Variants in ZEB1 observed in about 807,000 individuals in gnomAD.
The protein encoded by ZEB1 is zinc finger E-box binding homeobox 1.
In ZEB1, 21 loss-of-function variants were observed where a neutral mutation model predicts 84.9. The observed-to-expected ratio is 0.25, with a 90% CI of 0.18 to 0.36. The LOEUF is 0.36. ZEB1 is among the 10% of genes least tolerant of loss of function. The probability of loss-of-function intolerance (pLI) is 1.00; values close to 1 mark genes in which losing one functional copy is unlikely to be tolerated. For missense variants in ZEB1, 1,104 were observed against 1,330.2 expected, an observed-to-expected ratio of 0.83 and a Z score of 2.65; for synonymous variants, 420 against 471.1, an observed-to-expected ratio of 0.89 and a Z score of 1.41.
At chr10:31,363,566 C>G (rs1183720466) in intron 1 of ZEB1, 2 of 1,527,514 alleles carry the variant, frequency 1.3e-6, no homozygotes, top group African/African-American at 2.7e-5. Context: ...TGGTCTTTCA[C>G]CTCTGTTGCT....
chr10:31,394,997 C>A (rs900571197), intron 1 of ZEB1, among the ~76,000 whole-genome samples: 15 of 152,126 alleles, frequency 9.9e-5, no homozygotes, highest in Non-Finnish European at 1.6e-4. Context: ...GGGTTAATGG[C>A]AGTGCCCTTC....
intron 1 of ZEB1, among the ~76,000 whole-genome samples, chr10:31,446,799 C>A (rs944461698): frequency 6.6e-6 from 1 of 150,670 alleles, no homozygotes; most frequent in African/African-American, 2.4e-5. Flanking sequence ...AATTTCTGTT[C>A]TTTTACATTT....
intron 1 of ZEB1, among the ~76,000 whole-genome samples, chr10:31,437,105 A>G (rs1285937529): frequency 6.6e-6 from 1 of 152,188 alleles, no homozygotes; most frequent in African/African-American, 2.4e-5. Context: ...TAACAAAGAA[A>G]CAAAATACTC....
chr10:31,468,111 C>T (rs2062672991), intron 2 of ZEB1, among the ~76,000 whole-genome samples: 1 of 152,154 alleles, frequency 6.6e-6, no homozygotes, highest in Admixed American at 6.5e-5. Context: ...GTTGTTCCAG[C>T]TGCCTGAGAA....
In ZEB1 at chr10:31,326,984, G is replaced by A. The variant is rs950600045; in HGVS notation, c.58+7692G>A. On this transcript the variant is annotated intron_variant, in intron 1 of 8. Coordinates refer to ENST00000424869, the MANE Select transcript of ZEB1 (RefSeq NM_001174096.2). ...CAATCTAATATGTTTTTTATATGCT[G>A]TTGGTTTTGTAGCTAGCCTTGTAAA... is the stretch of plus-strand genomic sequence containing the variant. Among the ~76,000 whole-genome samples, 4 of 151,464 alleles carry A rather than the reference G, an allele frequency of 2.6e-5. No homozygotes were observed. The East Asian group carries it at 7.8e-4, about 29-fold the overall frequency.
chr10:31,479,722 T>C (rs1455461322), intron 2 of ZEB1, among the ~76,000 whole-genome samples: 1 of 151,968 alleles, frequency 6.6e-6, no homozygotes, highest in Non-Finnish European at 1.5e-5. Context: ...ATGTAGTAAG[T>C]ACCTTTAAAA....
intron 1 of ZEB1, among the ~76,000 whole-genome samples, chr10:31,355,673 G>GT (rs1384496965): frequency 1.3e-5 from 2 of 152,126 alleles, no homozygotes; most frequent in African/African-American, 4.8e-5. Flanking sequence ...TAGGAGAAGG[G>GT]TTAGGATGGA....
intron 1 of ZEB1, among the ~76,000 whole-genome samples, chr10:31,333,510 G>T (rs1337089175): frequency 6.6e-6 from 1 of 152,006 alleles, no homozygotes; most frequent in Non-Finnish European, 1.5e-5. Context: ...GGTAGGCTTG[G>T]TAAGTTTTAA....
intron 5 of ZEB1, among the ~76,000 whole-genome samples, chr10:31,514,162 G>A (rs2070638559): frequency 6.6e-6 from 1 of 152,054 alleles, no homozygotes; most frequent in Admixed American, 6.6e-5. Flanking sequence ...CTTCTATTCA[G>A]GACCTTGTTC....
At chr10:31,459,361 A>G (rs986863582) in intron 1 of ZEB1, among the ~76,000 whole-genome samples, 6 of 152,098 alleles carry the variant, frequency 3.9e-5, no homozygotes, top group African/African-American at 1.4e-4. Flanking sequence ...AGATAAGGTG[A>G]GGTTTGTGTT....
chr10:31,373,192 ATT>A, intron 1 of ZEB1: 1 of 980,774 alleles, frequency 1.0e-6, no homozygotes. Context: ...TTTCATTTAA[ATT>A]GTGTGTGTGT....
intron 1 of ZEB1, chr10:31,362,899 A>C (rs1314834515): frequency 7.1e-7 from 1 of 1,409,750 alleles, no homozygotes; most frequent in East Asian, 2.5e-5. Context: ...TAACACTCTC[A>C]TGTTCTTACG....
rs533368476 is a variant in ZEB1 at position 31,398,521 on chromosome 10, TCCC to T, written c.59-62513_59-62511del. ...AACATACAAATAATGTTGAGTTTTT[TCCC>T]CCATCTTAAAAAAAATCTTACTCCC... On this transcript the variant is annotated intron_variant, in intron 1 of 8. Coordinates refer to ENST00000424869, the MANE Select transcript of ZEB1 (RefSeq NM_001174096.2). Among the ~76,000 whole-genome samples, 311 of 152,164 alleles carry T rather than the reference TCCC, an allele frequency of 2.0e-3. 2 individuals carry two copies. Among genetic ancestry groups the T allele is most frequent in the African/African-American group, 5.6e-3 (234 of 41,516 alleles).
intron 1 of ZEB1, among the ~76,000 whole-genome samples, chr10:31,430,955 T>C (rs2057639708): frequency 6.6e-6 from 1 of 152,194 alleles, no homozygotes; most frequent in South Asian, 2.1e-4. Context: ...GTATACAGTC[T>C]TTTTGCATGG....
Position 31,521,625 on chromosome 10 carries a change from C to T in ZEB1, c.2293C>T (p.Gln765Ter). The T allele has an allele frequency of 6.2e-7, 1 of 1,614,020 alleles. No homozygotes were observed. Among genetic ancestry groups the T allele is most frequent in the Non-Finnish European group, 8.5e-7 (1 of 1,180,000 alleles). ...TTACCAGAACAGTGTTTATTCTGTC[C>T]AGGAAGAACCCTTGAACTTGTCTTG... Reference protein sequence around the residue: ...SVYQNSVYSVQEEPLNLSCAK... With the variant: ...SVYQNSVYSV The change falls in exon 7 of 9, where the codon CAG becomes TAG. Residue 765 changes from glutamine to a stop codon, truncating the protein, a stop_gained. Transcript: ENST00000424869. LOFTEE classifies it high-confidence loss of function.
intron 1 of ZEB1, among the ~76,000 whole-genome samples, chr10:31,354,947 T>TAG (rs368692437): frequency 4.6e-5 from 7 of 152,314 alleles, no homozygotes; most frequent in African/African-American, 1.7e-4. Flanking sequence ...TTCTTAGTCA[T>TAG]GTCTAAGTTC....
At chr10:31,343,279 A>G (rs1320124327) in intron 1 of ZEB1, among the ~76,000 whole-genome samples, 1 of 152,082 alleles carries the variant, frequency 6.6e-6, no homozygotes, top group Non-Finnish European at 1.5e-5. Flanking sequence ...TTGATGAGCA[A>G]TCCTGTTTCA....
intron 1 of ZEB1, among the ~76,000 whole-genome samples, chr10:31,408,249 A>G (rs960780252): frequency 1.3e-5 from 2 of 150,618 alleles, no homozygotes; most frequent in African/African-American, 4.9e-5. Flanking sequence ...AAAAGAGGAT[A>G]CAAACAAATG....
chr10:31,358,782 C>T (rs34914908), intron 1 of ZEB1, among the ~76,000 whole-genome samples: 43,933 of 151,994 alleles, frequency 0.29, 7,952 homozygotes, highest in Non-Finnish European at 0.4. Context: ...AAATATTTAA[C>T]CAGCCAACCA....
Sources: gnomAD v4.1 joint callset for allele counts (sites outside exome capture counted in the v4.1 genomes callset) on GRCh38, gnomAD v4.1.1 for gene constraint, MANE v1.5 for transcripts, NCBI Gene and HGNC (gene_info 2026-07-23, HGNC 2026-07-21) for gene names.